The following DPP8 variants were observed in gnomAD, a reference collection of about 807,000 sequenced individuals.
DPP8 encodes the protein dipeptidyl peptidase 8.
A neutral mutation model predicts 107.5 loss-of-function variants in DPP8; 31 were observed. That is an observed-to-expected ratio of 0.29 (90% CI 0.22 to 0.39). The LOEUF (loss-of-function observed/expected upper bound fraction) is 0.39, where lower values mean the gene tolerates loss of function less well. Ranked by LOEUF, DPP8 falls within the 10% of genes least tolerant of loss-of-function variation. DPP8 has a pLI of 1.00. For missense variants in DPP8, 842 were observed against 1,076.1 expected, an observed-to-expected ratio of 0.78 and a Z score of 3.04; for synonymous variants, 381 against 356.6, an observed-to-expected ratio of 1.07 and a Z score of -0.77.
chr15:65,511,985 T>A, intron 2 of DPP8: 1 of 477,768 alleles, frequency 2.1e-6, no homozygotes, highest in Non-Finnish European at 4.1e-6. Flanking sequence ...AAACTAATGG[T>A]TTTATTGTTT....
intron 12 of DPP8, among the ~76,000 whole-genome samples, chr15:65,470,605 C>CAAAAAAAA (rs3082806): frequency 9.5e-6 from 1 of 104,890 alleles, no homozygotes. Flanking sequence ...AGACTTGTCT[C>CAAAAAAAA]AAAAAAAAAA....
chr15:65,456,098 T>G, intron 16 of DPP8, 127 bp downstream of exon 16: 1 of 1,135,988 alleles, frequency 8.8e-7, no homozygotes, highest in Admixed American at 2.6e-5. Flanking sequence ...CCCCAAACTC[T>G]AACACATACA....
chr15:65,498,707 T>C (rs938511184), intron 4 of DPP8, among the ~76,000 whole-genome samples: 10 of 152,290 alleles, frequency 6.6e-5, no homozygotes, highest in African/African-American at 2.4e-4. Flanking sequence ...TAAAATAGTT[T>C]GCTCATAAAA....
chr15:65,460,073 T>A (rs1258801896), intron 15 of DPP8, among the ~76,000 whole-genome samples: 1 of 152,208 alleles, frequency 6.6e-6, no homozygotes, highest in Non-Finnish European at 1.5e-5. Flanking sequence ...TTAAATATAT[T>A]CATGCTGCTG....
intron 12 of DPP8, among the ~76,000 whole-genome samples, chr15:65,470,253 C>CA (rs1319871167): frequency 7.6e-6 from 1 of 132,270 alleles, no homozygotes; most frequent in Non-Finnish European, 1.6e-5. Flanking sequence ...TGGGTGGGAA[C>CA]AGTCACTTGT....
At chr15:65,474,539 G>A (rs557272557) in intron 11 of DPP8, among the ~76,000 whole-genome samples, 45 of 152,230 alleles carry the variant, frequency 3.0e-4, no homozygotes, top group African/African-American at 9.6e-4. Context: ...GGAGTGCAGC[G>A]GCATGATCAC....
intron 15 of DPP8, among the ~76,000 whole-genome samples, chr15:65,463,491 G>A (rs539280958): frequency 3.3e-5 from 5 of 150,866 alleles, no homozygotes; most frequent in South Asian, 2.1e-4. Flanking sequence ...GCAGTGAGCC[G>A]ACATTGCGCC....
At chr15:65,473,044 G>C (rs894137676) in intron 12 of DPP8, among the ~76,000 whole-genome samples, 2 of 151,730 alleles carry the variant, frequency 1.3e-5, no homozygotes, top group Non-Finnish European at 2.9e-5. Flanking sequence ...TCTCAAAAAA[G>C]AAAAGCAAAT....
intron 12 of DPP8, 30 bp from the exon 13 acceptor site, chr15:65,467,253 G>C (rs750354590): frequency 6.2e-7 from 1 of 1,610,592 alleles, no homozygotes; most frequent in Admixed American, 1.7e-5. Context: ...AACAAAATCA[G>C]GGCTAACATG....
chr15:65,448,917 T>C (rs1241180685), intron 19 of DPP8, among the ~76,000 whole-genome samples: 1 of 92,560 alleles, frequency 1.1e-5, no homozygotes, highest in African/African-American at 4.4e-5. Flanking sequence ...TATATATATA[T>C]ATATATTTAG....
At chr15:65,503,170 C>T (rs558672111) in intron 3 of DPP8, among the ~76,000 whole-genome samples, 406 of 152,262 alleles carry the variant, frequency 2.7e-3, no homozygotes, top group Non-Finnish European at 4.6e-3. Context: ...TGCAATGGCG[C>T]GATCTCGGCT....
At chr15:65,492,989 T>C (rs1304660169) in intron 5 of DPP8, among the ~76,000 whole-genome samples, 1 of 152,220 alleles carries the variant, frequency 6.6e-6, no homozygotes, top group Non-Finnish European at 1.5e-5. Flanking sequence ...CCAATGATTT[T>C]TTTATCCAAA....
Position 65,494,250 on chromosome 15 carries a change from G to A in DPP8, c.715+3614C>T, listed in dbSNP as rs185723087. On this transcript the variant is annotated intron_variant, in intron 5 of 19. Coordinates refer to ENST00000300141, the MANE Select transcript of DPP8 (RefSeq NM_130434.5). ...CTCACTCCAAGTCTGGAGTGCAGTG[G>A]TGCAAATACAGTCACTCCAAGGCTG... Among the ~76,000 whole-genome samples, 350 of 149,094 alleles carry A rather than the reference G, an allele frequency of 2.3e-3. 1 individual carries two copies. Among genetic ancestry groups the A allele is most frequent in the Non-Finnish European group, 4.0e-3 (269 of 67,626 alleles).
At chr15:65,487,932 A>C in intron 6 of DPP8, 114 bp from the exon 7 acceptor site, 1 of 720,952 alleles carries the variant, frequency 1.4e-6, no homozygotes, top group African/African-American at 1.8e-5. Flanking sequence ...TTATGTATAA[A>C]ATATGCTGCC....
At chr15:65,477,324 G>A (rs1305998142) in intron 11 of DPP8, among the ~76,000 whole-genome samples, 1 of 152,006 alleles carries the variant, frequency 6.6e-6, no homozygotes, top group East Asian at 1.9e-4. Flanking sequence ...GAACCCGGGA[G>A]GCGGAGGTTG....
chr15:65,515,663 T>C, intron 1 of DPP8: 1 of 1,614,072 alleles, frequency 6.2e-7, no homozygotes, highest in Non-Finnish European at 8.5e-7. Context: ...TACCTGATTT[T>C]ATTTTCATCT....
intron 5 of DPP8, among the ~76,000 whole-genome samples, chr15:65,490,950 G>C (rs1286960563): frequency 2.0e-5 from 3 of 151,902 alleles, no homozygotes; most frequent in Non-Finnish European, 4.4e-5. Flanking sequence ...ACAAGGTCAG[G>C]AGTTTGAAAC....
chr15:65,485,038 C>G, intron 8 of DPP8, 61 bp downstream of exon 8: 1 of 1,314,578 alleles, frequency 7.6e-7, no homozygotes, highest in South Asian at 1.2e-5. Flanking sequence ...TCAAAGAACC[C>G]TACTGGGCTG....
At chr15:65,490,485 T>C (rs2067917625) in intron 5 of DPP8, among the ~76,000 whole-genome samples, 186 bp from the exon 6 acceptor site, 1 of 152,214 alleles carries the variant, frequency 6.6e-6, no homozygotes, top group African/African-American at 2.4e-5. Context: ...CTCATTCCAC[T>C]GCAGTATCCC....
Sources: gnomAD v4.1 joint callset for allele counts (sites outside exome capture counted in the v4.1 genomes callset) on GRCh38, gnomAD v4.1.1 for gene constraint, MANE v1.5 for transcripts, NCBI Gene and HGNC (gene_info 2026-07-23, HGNC 2026-07-21) for gene names.